Variants in CFAP91 observed in about 807,000 individuals in gnomAD.
The protein encoded by CFAP91 is cilia and flagella associated protein 91.
A neutral mutation model predicts 95.9 loss-of-function variants in CFAP91; 85 were observed. That is an observed-to-expected ratio of 0.89 (90% CI 0.74 to 1.06). The LOEUF is 1.06. Among genes scored for constraint, CFAP91 ranks in the 50% least tolerant of loss-of-function variants. CFAP91 has a pLI of 0.00. For synonymous variants in CFAP91, 335 were observed against 327.5 expected (o/e 1.02, Z -0.25); for missense variants, 962 against 943.4 (o/e 1.02, Z -0.26).
At chr3:119,732,896 G>T (rs1336700188) in intron 9 of CFAP91, among the ~76,000 whole-genome samples, 8 of 152,186 alleles carry the variant, frequency 5.3e-5, no homozygotes, top group Non-Finnish European at 2.9e-5. Context: ...CTCTTATGAA[G>T]TTCAAAAGAG....
chr3:119,751,803 C>T (rs146597708), intron 17 of CFAP91, among the ~76,000 whole-genome samples: 127 of 152,300 alleles, frequency 8.3e-4, no homozygotes, highest in African/African-American at 2.5e-3. Context: ...TAAAACTTCA[C>T]ACCCCAGGGG....
chr3:119,752,984 G>A (rs1217740331), intron 17 of CFAP91, among the ~76,000 whole-genome samples: 1 of 152,114 alleles, frequency 6.6e-6, no homozygotes, highest in African/African-American at 2.4e-5. Flanking sequence ...AATGACAGAT[G>A]TGAGATTATT....
At chr3:119,734,098 C>G (rs1399785605) in intron 10 of CFAP91, among the ~76,000 whole-genome samples, 1 of 152,138 alleles carries the variant, frequency 6.6e-6, no homozygotes. Context: ...TGCAGCTGGG[C>G]TCCATCCCCA....
In CFAP91 at chr3:119,744,024, C is replaced by G; in HGVS notation, c.1730C>G (p.Ala577Gly). ...GCCGGACTGGAAGGAAGGGCACTAG[C>G]AGACATGTTTGACTTCCTGTCCAAA... is the stretch of plus-strand genomic sequence containing the variant. ...HLAGLEGRAL[A>G]DMFDFLSKEL... Residue 577 changes from alanine (A) to glycine (G), a missense_variant, in exon 14 of 18, where the codon GCA becomes GGA. By Grantham distance (60) the Ala-to-Gly change is moderately conservative. Transcript: ENST00000273390. 1 of 1,614,064 alleles carries G rather than the reference C, an allele frequency of 6.2e-7. No homozygotes were observed. Among genetic ancestry groups the G allele is most frequent in the South Asian group, 1.1e-5 (1 of 91,070 alleles).
intron 11 of CFAP91, among the ~76,000 whole-genome samples, chr3:119,738,851 AC>A (rs1392061713): frequency 1.3e-5 from 2 of 152,190 alleles, no homozygotes; most frequent in Non-Finnish European, 2.9e-5. Flanking sequence ...TGTGAGAAGT[AC>A]CTTACTCTGA....
intron 1 of CFAP91, 127 bp from the exon 2 acceptor site, chr3:119,706,682 A>G: frequency 1.4e-6 from 1 of 690,418 alleles, no homozygotes. Context: ...GAGCTGCTGC[A>G]GAGTCAGACA....
intron 6 of CFAP91, among the ~76,000 whole-genome samples, chr3:119,725,034 G>A (rs941813011): frequency 2.6e-5 from 4 of 152,216 alleles, no homozygotes; most frequent in Admixed American, 6.5e-5. Flanking sequence ...CCTACTGTAC[G>A]TGGTAGAAAT....
chr3:119,705,604 A>G (rs1254591519), intron 1 of CFAP91, among the ~76,000 whole-genome samples: 2 of 152,168 alleles, frequency 1.3e-5, no homozygotes, highest in Admixed American at 6.5e-5. Flanking sequence ...CCACCTTCTC[A>G]AGGGCCTGCC....
intron 15 of CFAP91, 33 bp downstream of exon 15, chr3:119,747,296 C>T (rs1339566543): frequency 1.3e-6 from 2 of 1,594,406 alleles, no homozygotes; most frequent in Non-Finnish European, 1.7e-6. Flanking sequence ...GTAGAATGGA[C>T]AGCCCATTTG....
In CFAP91 at chr3:119,766,936, A is replaced by G. The variant is rs1262392178; in HGVS notation, c.*1886A>G. ...AGTCAAGGAAAATACAAGTTGTTAT[A>G]CAATTCTCATTGACTAATTGAAGTT... On this transcript the variant is annotated 3_prime_UTR_variant, in exon 18 of 18. Coordinates refer to ENST00000273390, the MANE Select transcript of CFAP91 (RefSeq NM_033364.4). 1 of 152,252 alleles carries G rather than the reference A, an allele frequency of 6.6e-6. No individual in the cohort carries two copies. The highest frequency in any genetic ancestry group is 1.5e-5 in the Non-Finnish European group (1 of 68,036). 9.4% of individuals were successfully genotyped at this position (152,252 alleles called of 1,614,324 possible).
intron 13 of CFAP91, among the ~76,000 whole-genome samples, chr3:119,741,273 AT>A (rs200783130): frequency 6.6e-6 from 1 of 152,108 alleles, no homozygotes; most frequent in African/African-American, 2.4e-5. Flanking sequence ...TTTTCCTTCC[AT>A]TTTTTTCCCC....
At chr3:119,755,500 C>T (rs144469059) in intron 17 of CFAP91, among the ~76,000 whole-genome samples, 50 of 152,278 alleles carry the variant, frequency 3.3e-4, no homozygotes, top group African/African-American at 1.1e-3. Flanking sequence ...TTCTCCCTCT[C>T]TCTCTCTTCC....
chr3:119,717,397 G>C (rs2053595157), intron 6 of CFAP91, among the ~76,000 whole-genome samples: 1 of 152,184 alleles, frequency 6.6e-6, no homozygotes, highest in African/African-American at 2.4e-5. Context: ...TGTCATAGCA[G>C]AACTGAAGTT....
At chr3:119,732,273 T>C (rs767267394) in intron 8 of CFAP91, 21 bp from the exon 9 acceptor site, 1 of 1,566,242 alleles carries the variant, frequency 6.4e-7, no homozygotes, top group South Asian at 1.2e-5. Context: ...GAGATAGTCA[T>C]GGAGGTATGT....
At position 119,737,519 on chromosome 3, in the gene CFAP91, A is replaced by C. The variant is rs781296511; in HGVS notation, c.1461+37A>C. The C allele has an allele frequency of 1.1e-5, 13 of 1,205,474 alleles. No individual in the cohort carries two copies. In the East Asian group the frequency reaches 3.0e-4, roughly 28 times the overall value. The allele number at this position is 1,205,474 out of a possible 1,614,324, so 74.7% of individuals were successfully genotyped here. On this transcript the variant is annotated intron_variant, in intron 11 of 17. Coordinates refer to ENST00000273390, the MANE Select transcript of CFAP91 (RefSeq NM_033364.4). ...ACTTTTTAGTTGAAATGCTAAATTC[A>C]ATATCATTGTCAGCTTATTCTTAGG...
At chr3:119,736,011 A>G (rs1048142092) in intron 10 of CFAP91, among the ~76,000 whole-genome samples, 8 of 151,448 alleles carry the variant, frequency 5.3e-5, no homozygotes, top group African/African-American at 1.9e-4. Flanking sequence ...TCTGCTGGCC[A>G]TGAATTCCTT....
In CFAP91 at chr3:119,709,712, A is replaced by G. The variant is rs1294474046; in HGVS notation, c.444-127A>G. 3 of 720,136 alleles carry G rather than the reference A, an allele frequency of 4.2e-6. No individual in the cohort carries two copies. The African/African-American group carries it at 5.3e-5, about 13-fold the overall frequency. 44.6% of individuals were successfully genotyped at this position (720,136 alleles called of 1,614,324 possible). A position where few individuals can be genotyped will look rare whatever the true frequency, so the allele number is the denominator to read the frequency against. ...GTGATTTTTTATGTCCAGAAGTTTG[A>G]GTAACACTGATATATGGGATATTTA... is the stretch of plus-strand genomic sequence containing the variant. On this transcript the variant is annotated intron_variant, in intron 4 of 17. Transcript: ENST00000273390.
At chr3:119,740,839 G>GTA (rs1270577926) in intron 13 of CFAP91, 144 bp downstream of exon 13, 2 of 537,036 alleles carry the variant, frequency 3.7e-6, no homozygotes, top group Non-Finnish European at 3.1e-6. Context: ...CAGCATTTGT[G>GTA]TGTGTGTGTG....
At chr3:119,756,417 C>A (rs2054429264) in intron 17 of CFAP91, among the ~76,000 whole-genome samples, 1 of 152,176 alleles carries the variant, frequency 6.6e-6, no homozygotes, top group East Asian at 1.9e-4. Context: ...AAATTTGTCA[C>A]TAGGAGATCT....
Sources: gnomAD v4.1 joint callset for allele counts (sites outside exome capture counted in the v4.1 genomes callset) on GRCh38, gnomAD v4.1.1 for gene constraint, MANE v1.5 for transcripts, NCBI Gene and HGNC (gene_info 2026-07-23, HGNC 2026-07-21) for gene names.